FGFR2: variants seen among roughly 807,000 people sequenced by gnomAD.
The protein encoded by FGFR2 is BEK fibroblast growth factor receptor.
A neutral mutation model predicts 95.9 loss-of-function variants in FGFR2; 19 were observed. The ratio of observed to expected loss-of-function variants is 0.20; its 90% confidence interval spans 0.14 to 0.29. The LOEUF (loss-of-function observed/expected upper bound fraction) is 0.29. Among genes scored for constraint, FGFR2 ranks in the 10% least tolerant of loss-of-function variants. The pLI, the probability that FGFR2 is intolerant of heterozygous loss-of-function variation, is 1.00. For missense variants in FGFR2, 707 were observed against 1,056.9 expected, an observed-to-expected ratio of 0.67 and a Z score of 4.59; for synonymous variants, 392 against 393.3, an observed-to-expected ratio of 1.00 and a Z score of 0.04.
chr10:121,590,089 AC>A (rs1187676525), intron 2 of FGFR2, among the ~76,000 whole-genome samples: 3 of 152,046 alleles, frequency 2.0e-5, no homozygotes, highest in Non-Finnish European at 2.9e-5. Flanking sequence ...CTCTGGACCA[AC>A]TCACGTTGGT....
At chr10:121,564,386 G>C in intron 4 of FGFR2, 116 bp downstream of exon 4, 2 of 961,338 alleles carry the variant, frequency 2.1e-6, no homozygotes, top group East Asian at 4.8e-5. Flanking sequence ...AGCGGGGAAA[G>C]GCAAGGGCCG....
At chr10:121,571,113 T>C (rs921160656) in intron 2 of FGFR2, among the ~76,000 whole-genome samples, 7 of 146,902 alleles carry the variant, frequency 4.8e-5, no homozygotes, top group Non-Finnish European at 1.0e-4. Flanking sequence ...CTCAGCCTCC[T>C]GAGTAGCTGG....
At chr10:121,522,146 G>A (rs1850646974) in intron 6 of FGFR2, among the ~76,000 whole-genome samples, 1 of 152,194 alleles carries the variant, frequency 6.6e-6, no homozygotes, top group South Asian at 2.1e-4. Context: ...GGAAGGAAAT[G>A]GTGAGTTGCA....
At chr10:121,492,405 C>T (rs564703798) in intron 13 of FGFR2, among the ~76,000 whole-genome samples, 58 of 151,930 alleles carry the variant, frequency 3.8e-4, no homozygotes, top group Non-Finnish European at 6.9e-4. Context: ...CACTCACACA[C>T]TCACGCACAC....
In FGFR2 at chr10:121,517,075, A is replaced by G; in HGVS notation, c.1084+244T>C. ...TTATACATTGGCTCAATGACTCACT[A>G]AAAATATGAGATCCCTTCAGGTTTT... On this transcript the variant is annotated intron_variant, in intron 8 of 17. Coordinates refer to ENST00000358487, the MANE Select transcript of FGFR2 (RefSeq NM_000141.5). The surrounding 1 kb of genome is among the most constrained non-coding windows in gnomAD (Gnocchi z 4.7). The G allele has an allele frequency of 1.8e-6, 1 of 556,386 alleles. No homozygotes were observed. The highest frequency in any genetic ancestry group is 3.2e-6 in the Non-Finnish European group (1 of 312,610). 34.5% of individuals were successfully genotyped at this position (556,386 alleles called of 1,614,324 possible). A position where few individuals can be genotyped will look rare whatever the true frequency, so the allele number is the denominator to read the frequency against.
At chr10:121,538,783 T>C (rs2134613176) in intron 5 of FGFR2, 68 bp from the exon 6 acceptor site, 2 of 1,606,754 alleles carry the variant, frequency 1.2e-6, no homozygotes, top group South Asian at 1.1e-5. Context: ...CTGTGCTTTC[T>C]TGATTTAAAA....
intron 6 of FGFR2, among the ~76,000 whole-genome samples, chr10:121,524,920 A>G (rs1298672945): frequency 6.6e-6 from 1 of 152,222 alleles, no homozygotes; most frequent in Non-Finnish European, 1.5e-5. Flanking sequence ...CTGATGTATT[A>G]TCTCTGGGCG....
chr10:121,483,626 T>C, intron 17 of FGFR2, 72 bp downstream of exon 17: 1 of 1,038,548 alleles, frequency 9.6e-7, no homozygotes, highest in Admixed American at 1.9e-5. Flanking sequence ...AACAGGGGAG[T>C]GTGTGTGTAA....
chr10:121,501,011 C>A (rs1242639253), intron 10 of FGFR2, 64 bp from the exon 11 acceptor site: 5 of 1,605,304 alleles, frequency 3.1e-6, no homozygotes, highest in African/African-American at 1.3e-5. Context: ...AGGGAAATTC[C>A]AGAACTAAAT....
intron 6 of FGFR2, among the ~76,000 whole-genome samples, chr10:121,528,366 C>T (rs1222337716): frequency 3.3e-5 from 5 of 151,916 alleles, no homozygotes; most frequent in East Asian, 1.9e-4. Context: ...TATGATTAAA[C>T]GAATTGTACT....
At chr10:121,591,882 C>T (rs1590123162) in intron 2 of FGFR2, among the ~76,000 whole-genome samples, 2 of 152,314 alleles carry the variant, frequency 1.3e-5, no homozygotes, top group South Asian at 2.1e-4. Flanking sequence ...AATTCTTACA[C>T]AAAGACTCAC....
At chr10:121,598,451 C>A, upstream of FGFR2, 1 of 160,668 alleles carries the variant, frequency 6.2e-6, no homozygotes, top group Non-Finnish European at 1.3e-5. Flanking sequence ...TCTCCTCCAG[C>A]CGCCGCCCGC....
chr10:121,483,896 A>G (rs754919719), intron 16 of FGFR2, 93 bp from the exon 17 acceptor site: 1 of 901,356 alleles, frequency 1.1e-6, no homozygotes, highest in Non-Finnish European at 1.8e-6. Flanking sequence ...CGTGGTGTAA[A>G]TTAGGAAAAT....
chr10:121,563,395 C>T (rs1162679881), intron 4 of FGFR2, among the ~76,000 whole-genome samples: 2 of 152,062 alleles, frequency 1.3e-5, no homozygotes, highest in African/African-American at 2.4e-5. Flanking sequence ...TATATATATA[C>T]ATAAATTAGC....
chr10:121,552,783 T>C (rs1258963200), intron 4 of FGFR2, among the ~76,000 whole-genome samples: 2 of 152,214 alleles, frequency 1.3e-5, no homozygotes, highest in Admixed American at 1.3e-4. Context: ...CCAAAATCCC[T>C]GTATTCCTCT....
At chr10:121,498,842 G>C (rs1847222721) in intron 11 of FGFR2, among the ~76,000 whole-genome samples, 1 of 152,208 alleles carries the variant, frequency 6.6e-6, no homozygotes, top group South Asian at 2.1e-4. Flanking sequence ...GTCAGGACGA[G>C]AGCAGGGGCT....
chr10:121,563,377 A>G (rs1343036208), intron 4 of FGFR2, among the ~76,000 whole-genome samples: 1 of 152,172 alleles, frequency 6.6e-6, no homozygotes, highest in Non-Finnish European at 1.5e-5. Context: ...GCATCTCGGG[A>G]AAAAATATAT....
intron 1 of FGFR2, among the ~76,000 whole-genome samples, chr10:121,597,521 C>T (rs929570099): frequency 6.8e-4 from 103 of 152,340 alleles, no homozygotes; most frequent in African/African-American, 2.0e-3. Context: ...AAAAAGGGGT[C>T]TCCGCAGGGC....
At chr10:121,493,446 C>T (rs2133898662) in intron 13 of FGFR2, among the ~76,000 whole-genome samples, 1 of 152,248 alleles carries the variant, frequency 6.6e-6, no homozygotes, top group South Asian at 2.1e-4. Context: ...GACTCAACAC[C>T]CGTGCTTCTC....
Sources: gnomAD v4.1 joint callset for allele counts (sites outside exome capture counted in the v4.1 genomes callset) on GRCh38, gnomAD v4.1.1 for gene constraint, Gnocchi (gnomAD v3.1) non-coding constraint, MANE v1.5 for transcripts, NCBI Gene and HGNC (gene_info 2026-07-23, HGNC 2026-07-21) for gene names.